MECOM: variants seen among roughly 807,000 people sequenced by gnomAD.
MECOM encodes the protein histone-lysine N-methyltransferase MECOM.
Under a neutral mutation model 116.3 loss-of-function variants are expected in MECOM, and 13 were observed. The ratio of observed to expected loss-of-function variants is 0.11; its 90% CI spans 0.07 to 0.18. The LOEUF (loss-of-function observed/expected upper bound fraction) is 0.18. Among genes scored for constraint, MECOM ranks in the 10% least tolerant of loss-of-function variants. MECOM has a pLI of 1.00. For synonymous variants in MECOM, 528 were observed against 535.2 expected (o/e 0.99, Z 0.19); for missense variants, 1,299 against 1,509.0 (o/e 0.86, Z 2.31).
intron 1 of MECOM, among the ~76,000 whole-genome samples, chr3:169,531,648 A>G (rs1758644633): frequency 6.6e-6 from 1 of 152,140 alleles, no homozygotes; most frequent in African/African-American, 2.4e-5. Context: ...GCCACCTCTC[A>G]TTTTCTGCTA....
chr3:169,185,088 G>T (rs1276005269), intron 2 of MECOM, among the ~76,000 whole-genome samples: 1 of 152,150 alleles, frequency 6.6e-6, no homozygotes, highest in Non-Finnish European at 1.5e-5. Context: ...GGGCAAAACG[G>T]AAACGTTCAG....
intron 2 of MECOM, among the ~76,000 whole-genome samples, chr3:169,380,985 T>C (rs767388488): frequency 2.6e-5 from 4 of 152,196 alleles, no homozygotes; most frequent in Non-Finnish European, 5.9e-5. Flanking sequence ...ATATATTAGG[T>C]TGGGTTCCCT....
chr3:169,115,914 G>A lies in MECOM; in HGVS notation c.1958C>T (p.Ala653Val), dbSNP rs375314275. ...IFSPSLEEQT[A>V]VSGAVNDSIK... ...AGAATCATTCACAGCTCCTGACACC[G>A]CAGTCTGCTCCTCTAAAGATGGTGA... Residue 653 changes from alanine to valine, a missense_variant, in exon 8 of 17, where the codon GCG becomes GTG. By Grantham distance (64) the Ala-to-Val change is moderately conservative. Coordinates refer to ENST00000651503, the MANE Select transcript of MECOM (RefSeq NM_004991.4). The A allele has an allele frequency of 1.1e-5, 17 of 1,614,002 alleles. No individual in the cohort carries two copies. Among genetic ancestry groups the A allele is most frequent in the African/African-American group, 2.7e-5 (2 of 75,020 alleles).
chr3:169,173,297 C>T (rs997557990), intron 2 of MECOM, among the ~76,000 whole-genome samples: 14 of 152,006 alleles, frequency 9.2e-5, no homozygotes, highest in African/African-American at 3.4e-4. Context: ...TGAGGAAATG[C>T]TGAATTTCCT....
At chr3:169,276,079 T>C (rs1759533335) in intron 2 of MECOM, among the ~76,000 whole-genome samples, 1 of 152,188 alleles carries the variant, frequency 6.6e-6, no homozygotes, top group Non-Finnish European at 1.5e-5. Flanking sequence ...AATGGTAACA[T>C]ATAACACTGC....
chr3:169,352,630 C>G (rs1162930560), intron 2 of MECOM, among the ~76,000 whole-genome samples: 1 of 151,798 alleles, frequency 6.6e-6, no homozygotes, highest in Non-Finnish European at 1.5e-5. Context: ...AATTTCATAT[C>G]CTATTCATTC....
chr3:169,107,153 C>A (rs563629709), intron 10 of MECOM, among the ~76,000 whole-genome samples: 1 of 152,194 alleles, frequency 6.6e-6, no homozygotes, highest in East Asian at 1.9e-4. Flanking sequence ...GCTCATTCAT[C>A]AGAAATCAGC....
intron 2 of MECOM, among the ~76,000 whole-genome samples, chr3:169,316,866 T>C (rs144862501): frequency 1.3e-3 from 205 of 152,342 alleles, no homozygotes; most frequent in Non-Finnish European, 2.4e-3. Flanking sequence ...AGACATATAC[T>C]TTTAATCAAG....
At position 169,097,817 on chromosome 3, in the gene MECOM, T is replaced by TAAAAAAAAAAAAAAAAAAA. The variant is rs539873617; in HGVS notation, c.2850-2591_2850-2573dup. ...AACAGAGTGAGACCTACTGTCTATA[T>TAAAAAAAAAAAAAAAAAAA]AAAAAAAAAAAAAAAAAAAAAAAGG... On this transcript the variant is annotated intron_variant, in intron 12 of 16. Transcript: ENST00000651503. Among the ~76,000 whole-genome samples, 298 of 87,146 alleles carry TAAAAAAAAAAAAAAAAAAA rather than the reference T, an allele frequency of 3.4e-3. 42 individuals are homozygous for TAAAAAAAAAAAAAAAAAAA. Among genetic ancestry groups the TAAAAAAAAAAAAAAAAAAA allele is most frequent in the Middle Eastern group, 0.014 (2 of 148 alleles). 57.2% of individuals were successfully genotyped at this position (87,146 alleles called of 152,430 possible). A position where few individuals can be genotyped will look rare whatever the true frequency, so the allele number is the denominator to read the frequency against.
intron 1 of MECOM, among the ~76,000 whole-genome samples, chr3:169,436,204 G>A (rs1334332665): frequency 1.4e-5 from 2 of 143,514 alleles, no homozygotes; most frequent in African/African-American, 2.6e-5. Context: ...TTGGTTCTGA[G>A]TCTATGACGC....
intron 2 of MECOM, among the ~76,000 whole-genome samples, chr3:169,277,905 G>A (rs945621604): frequency 3.3e-5 from 5 of 152,132 alleles, no homozygotes; most frequent in East Asian, 1.9e-4. Flanking sequence ...CCAGAAAAGC[G>A]CAAATCCATT....
At chr3:169,639,076 C>G (rs1773156875) in intron 1 of MECOM, among the ~76,000 whole-genome samples, 1 of 152,044 alleles carries the variant, frequency 6.6e-6, no homozygotes. Flanking sequence ...GGAGGTGAAC[C>G]AATCATTAGG....
At chr3:169,231,906 G>C (rs538006197) in intron 2 of MECOM, among the ~76,000 whole-genome samples, 370 of 152,252 alleles carry the variant, frequency 2.4e-3, no homozygotes, top group Non-Finnish European at 4.1e-3. Flanking sequence ...GTGTCCCAAA[G>C]TTTAGCAGTA....
At position 169,084,803 on chromosome 3, in the gene MECOM, C is replaced by A; in HGVS notation, c.*106G>T. The A allele has an allele frequency of 8.0e-7, 1 of 1,243,344 alleles. No individual in the cohort carries two copies. The highest frequency in any genetic ancestry group is 1.1e-6 in the Non-Finnish European group (1 of 877,052). 77.0% of individuals were successfully genotyped at this position (1,243,344 alleles called of 1,614,324 possible). A position where few individuals can be genotyped will look rare whatever the true frequency, so the allele number is the denominator to read the frequency against. Reference sequence around the variant, plus strand: ...GGTCACTAGACTTTAGATGAGTGACCCTGCAGGTTTATAAGGCATTCTGCT... The same window carrying A: ...GGTCACTAGACTTTAGATGAGTGACACTGCAGGTTTATAAGGCATTCTGCT... On this transcript the variant is annotated 3_prime_UTR_variant, in exon 17 of 17. Coordinates refer to ENST00000651503, the MANE Select transcript of MECOM (RefSeq NM_004991.4).
chr3:169,256,914 G>C (rs1041761223), intron 2 of MECOM, among the ~76,000 whole-genome samples: 1 of 152,164 alleles, frequency 6.6e-6, no homozygotes, highest in Non-Finnish European at 1.5e-5. Context: ...ACTTCCGAGA[G>C]GGCAAGATGC....
At chr3:169,602,035 T>C (rs1280161968) in intron 1 of MECOM, among the ~76,000 whole-genome samples, 1 of 152,180 alleles carries the variant, frequency 6.6e-6, no homozygotes, top group Non-Finnish European at 1.5e-5. Context: ...TTACCACGTA[T>C]GGGGAAAGAA....
At chr3:169,625,802 T>G (rs534104872) in intron 1 of MECOM, among the ~76,000 whole-genome samples, 35 of 152,360 alleles carry the variant, frequency 2.3e-4, no homozygotes, top group Non-Finnish European at 4.1e-4. Context: ...CGTTTCCATC[T>G]GAGAATCTCA....
chr3:169,181,757 G>A (rs1745998417), intron 2 of MECOM, among the ~76,000 whole-genome samples: 1 of 152,136 alleles, frequency 6.6e-6, no homozygotes, highest in African/African-American at 2.4e-5. Context: ...ATCATGTAAG[G>A]AGACACATGA....
chr3:169,468,504 C>T (rs1263999126), intron 1 of MECOM, among the ~76,000 whole-genome samples: 1 of 152,010 alleles, frequency 6.6e-6, no homozygotes, highest in East Asian at 1.9e-4. Flanking sequence ...TTTACTTTCC[C>T]GTGCCTCAGA....
Sources: gnomAD v4.1 joint callset for allele counts (sites outside exome capture counted in the v4.1 genomes callset) on GRCh38, gnomAD v4.1.1 for gene constraint, MANE v1.5 for transcripts, NCBI Gene and HGNC (gene_info 2026-07-23, HGNC 2026-07-21) for gene names.